The following PLPP1 variants were observed in gnomAD, a reference collection of about 807,000 sequenced individuals.
PLPP1 encodes lipid phosphate phosphohydrolase 1a.
Under a neutral mutation model 31.2 loss-of-function variants are expected in PLPP1, and 24 were observed. That is an observed-to-expected ratio of 0.77 (90% CI 0.56 to 1.08). The LOEUF (loss-of-function observed/expected upper bound fraction) is 1.08. Among genes scored for constraint, PLPP1 ranks in the 50% least tolerant of loss-of-function variants. The probability of loss-of-function intolerance (pLI) is 0.00; values close to 1 mark genes in which losing one functional copy is unlikely to be tolerated. For synonymous variants in PLPP1, 146 were observed against 126.3 expected, an observed-to-expected ratio of 1.16 and a Z score of -1.05; for missense variants, 319 against 342.7, an observed-to-expected ratio of 0.93 and a Z score of 0.55.
rs960914383 is a variant in PLPP1, at chr5:55,443,212, TAC to T, written c.492-1306_492-1305del. On this transcript the variant is annotated intron_variant, in intron 3 of 5. Transcript: ENST00000307259. ...AAAAAAATATATATATATATATATA[TAC>T]ACACACACACACACACACACATATA... Among the ~76,000 whole-genome samples the T allele has an allele frequency of 1.0e-2, 1,048 of 104,826 alleles. 34 individuals are homozygous for T. Among genetic ancestry groups the T allele is most frequent in the African/African-American group, 0.032 (830 of 25,922 alleles). The allele number at this position is 104,826 out of a possible 152,430, so 68.8% of individuals were successfully genotyped here.
intron 1 of PLPP1, among the ~76,000 whole-genome samples, chr5:55,476,905 G>C (rs905313787): frequency 6.6e-6 from 1 of 151,964 alleles, no homozygotes; most frequent in Non-Finnish European, 1.5e-5. Flanking sequence ...TTTTCATTTA[G>C]ACATTGAATA....
intron 1 of PLPP1, among the ~76,000 whole-genome samples, chr5:55,477,553 C>T (rs1333649881): frequency 6.6e-6 from 1 of 151,814 alleles, no homozygotes; most frequent in Non-Finnish European, 1.5e-5. Flanking sequence ...ACCACCACGC[C>T]CAGCTAATTT....
intron 2 of PLPP1, 151 bp downstream of exon 2, chr5:55,475,148 T>G (rs927666511): frequency 9.4e-6 from 7 of 747,274 alleles, no homozygotes; most frequent in Middle Eastern, 4.1e-4. Flanking sequence ...TTAAAATAGC[T>G]GAGATTCTCT....
chr5:55,455,417 C>A (rs1751984813), intron 3 of PLPP1, among the ~76,000 whole-genome samples: 1 of 151,950 alleles, frequency 6.6e-6, no homozygotes, highest in African/African-American at 2.4e-5. Context: ...CATGGTGAAA[C>A]CCTGTCTCTA....
intron 1 of PLPP1, among the ~76,000 whole-genome samples, chr5:55,504,129 G>C (rs1249136878): frequency 2.6e-5 from 4 of 151,876 alleles, no homozygotes; most frequent in South Asian, 2.1e-4. Context: ...CCAGCACTTT[G>C]GGAGGCTGAG....
intron 4 of PLPP1, among the ~76,000 whole-genome samples, chr5:55,426,576 T>G (rs1458609934): frequency 6.7e-4 from 3 of 4,446 alleles, no homozygotes; most frequent in African/African-American, 1.2e-3. Flanking sequence ...TAATTGGTTT[T>G]TTTTTTTTTT....
intron 3 of PLPP1, among the ~76,000 whole-genome samples, chr5:55,443,192 A>AAAATATATATATATAT: frequency 7.5e-4 from 19 of 25,430 alleles, no homozygotes; most frequent in South Asian, 4.9e-3. Flanking sequence ...AAAAAAAAAA[A>AAAATATATATATATAT]ATATATATAT....
intron 1 of PLPP1, among the ~76,000 whole-genome samples, chr5:55,491,872 A>AAG (rs1752898297): frequency 6.8e-6 from 1 of 147,420 alleles, no homozygotes; most frequent in African/African-American, 2.5e-5. Flanking sequence ...AAAAAAAAAA[A>AAG]AAAAGAAAGA....
intron 1 of PLPP1, among the ~76,000 whole-genome samples, chr5:55,487,166 T>C (rs1196854992): frequency 6.6e-6 from 1 of 152,200 alleles, no homozygotes; most frequent in African/African-American, 2.4e-5. Flanking sequence ...AGGTAAGTTT[T>C]CTATCCTGAA....
intron 1 of PLPP1, among the ~76,000 whole-genome samples, chr5:55,525,007 C>G (rs549573952): frequency 1.4e-4 from 22 of 152,260 alleles, no homozygotes; most frequent in Admixed American, 5.2e-4. Context: ...CAGACCTACA[C>G]AGATCAATTT....
chr5:55,471,572 T>TC (rs1229995085), intron 2 of PLPP1, among the ~76,000 whole-genome samples: 1 of 152,144 alleles, frequency 6.6e-6, no homozygotes, highest in Non-Finnish European at 1.5e-5. Flanking sequence ...GACCATTTCC[T>TC]CCTCATTGAA....
At chr5:55,491,860 G>GAAAAAAAAAA (rs35303375) in intron 1 of PLPP1, among the ~76,000 whole-genome samples, 3 of 102,268 alleles carry the variant, frequency 2.9e-5, no homozygotes, top group Admixed American at 1.2e-4. Context: ...TCAATCTCAG[G>GAAAAAAAAAA]AAAAAAAAAA....
chr5:55,435,376 T>A (rs1389813056), intron 4 of PLPP1, among the ~76,000 whole-genome samples: 1 of 146,592 alleles, frequency 6.8e-6, no homozygotes, highest in Non-Finnish European at 1.5e-5. Flanking sequence ...CAGTGGTAAC[T>A]GGGCTTTTTA....
At chr5:55,445,082 G>GT (rs1309831268) in intron 3 of PLPP1, among the ~76,000 whole-genome samples, 1 of 152,070 alleles carries the variant, frequency 6.6e-6, no homozygotes, top group African/African-American at 2.4e-5. Flanking sequence ...ACTTTATGAT[G>GT]TTTTTTTCCT....
At chr5:55,430,530 T>C (rs936473662) in intron 4 of PLPP1, among the ~76,000 whole-genome samples, 3 of 152,238 alleles carry the variant, frequency 2.0e-5, no homozygotes, top group African/African-American at 7.2e-5. Context: ...TGCATGCATC[T>C]GGAATCAAAG....
At chr5:55,512,642 G>A (rs1421899324) in intron 1 of PLPP1, among the ~76,000 whole-genome samples, 1 of 152,014 alleles carries the variant, frequency 6.6e-6, no homozygotes, top group Non-Finnish European at 1.5e-5. Flanking sequence ...AAAAATTAGA[G>A]TTAAAAAGTA....
intron 4 of PLPP1, among the ~76,000 whole-genome samples, chr5:55,438,823 C>T (rs1328492659): frequency 6.6e-6 from 1 of 151,778 alleles, no homozygotes; most frequent in Admixed American, 6.6e-5. Flanking sequence ...ATGGCGTGAA[C>T]CCGGGAGGTG....
rs138019849 is a variant in PLPP1, at chr5:55,433,719, G to A, written c.550-7680C>T. Among the ~76,000 whole-genome samples the A allele has an allele frequency of 3.7e-3, 555 of 150,944 alleles. 4 individuals carry two copies. Among genetic ancestry groups the A allele is most frequent in the African/African-American group, 0.012 (511 of 41,242 alleles). On this transcript the variant is annotated intron_variant, in intron 4 of 5. Coordinates refer to ENST00000307259, the MANE Select transcript of PLPP1 (RefSeq NM_003711.4). Reference sequence around the variant, plus strand: ...TCACTGTGTTAGCCAGGATGGTCTCGATCTCCTGACCTCATGATTCTCCTG... The same window carrying A: ...TCACTGTGTTAGCCAGGATGGTCTCAATCTCCTGACCTCATGATTCTCCTG...
At chr5:55,518,068 C>G (rs963085350) in intron 1 of PLPP1, among the ~76,000 whole-genome samples, 1 of 151,948 alleles carries the variant, frequency 6.6e-6, no homozygotes, top group Non-Finnish European at 1.5e-5. Flanking sequence ...CTACTGATCT[C>G]GTGATCCGCC....
Sources: allele counts gnomAD v4.1 joint callset (sites outside exome capture counted in the v4.1 genomes callset), GRCh38; gene constraint gnomAD v4.1.1; transcripts MANE v1.5; gene names NCBI Gene and HGNC (gene_info 2026-07-23, HGNC 2026-07-21).